The following SLC20A1 variants were observed in gnomAD, a reference collection of about 807,000 sequenced individuals.
SLC20A1 encodes the protein sodium-dependent phosphate transporter 1.
SLC20A1 carries 28 observed loss-of-function variants against 62.7 expected under a neutral mutation model. The ratio of observed to expected loss-of-function variants is 0.45; its 90% CI spans 0.33 to 0.61. The LOEUF (loss-of-function observed/expected upper bound fraction) is 0.61, where lower values mean the gene tolerates loss of function less well. Ranked by LOEUF, SLC20A1 falls within the 20% of genes least tolerant of loss-of-function variation. The pLI, the probability that SLC20A1 is intolerant of heterozygous loss-of-function variation, is 0.02. For synonymous variants in SLC20A1, 305 were observed against 302.9 expected (o/e 1.01, Z -0.07); for missense variants, 673 against 838.6 (o/e 0.80, Z 2.44).
At chr2:112,650,367 CTG>C (rs1157568860) in intron 4 of SLC20A1, among the ~76,000 whole-genome samples, 1 of 145,872 alleles carries the variant, frequency 6.9e-6, no homozygotes, top group African/African-American at 2.5e-5. Flanking sequence ...GAGTCTCACT[CTG>C]TTGCCCAGGC....
chr2:112,660,181 G>A (rs1210145643), intron 8 of SLC20A1, among the ~76,000 whole-genome samples: 4 of 152,196 alleles, frequency 2.6e-5, no homozygotes, highest in African/African-American at 9.6e-5. Flanking sequence ...GCCACCATTT[G>A]CCTGGCATTC....
chr2:112,647,609 G>A, intron 3 of SLC20A1, 44 bp from the exon 4 acceptor site: 1 of 1,597,158 alleles, frequency 6.3e-7, no homozygotes, highest in South Asian at 1.1e-5. Context: ...TTTGGTTTCT[G>A]ATTTTCATTA....
At chr2:112,650,334 CTTTT>C (rs398042584) in intron 4 of SLC20A1, among the ~76,000 whole-genome samples, 1 of 134,908 alleles carries the variant, frequency 7.4e-6, no homozygotes, top group Non-Finnish European at 1.6e-5. Context: ...TTTTTGGAGC[CTTTT>C]TTTTTTTTTT....
In SLC20A1 at chr2:112,661,013, A is replaced by G. The variant is rs116500060; in HGVS notation, c.1794-129A>G. The stretch of plus-strand genomic sequence containing the variant: ...TAAAGTAGATCTTAGGGGTTATAGC[A>G]AATAAAGATGTCAGTGGAGGTTTTG... On this transcript the variant is annotated intron_variant, in intron 9 of 10. Transcript: ENST00000272542. The G allele has an allele frequency of 2.6e-3, 1,655 of 627,828 alleles. 20 individuals are homozygous for G. The highest frequency in any genetic ancestry group is 0.022 in the African/African-American group (1,233 of 55,954). 38.9% of individuals were successfully genotyped at this position (627,828 alleles called of 1,614,324 possible). A position where few individuals can be genotyped will look rare whatever the true frequency, so the allele number is the denominator to read the frequency against.
chr2:112,650,154 C>T (rs573131765), intron 4 of SLC20A1, among the ~76,000 whole-genome samples: 44 of 152,236 alleles, frequency 2.9e-4, no homozygotes, highest in Admixed American at 7.2e-4. Flanking sequence ...CTTAATTGGG[C>T]TATGCTATAC....
intron 4 of SLC20A1, among the ~76,000 whole-genome samples, chr2:112,649,895 A>G (rs17042208): frequency 0.027 from 4,038 of 152,334 alleles, 166 homozygotes; most frequent in African/African-American, 0.092. Flanking sequence ...CCTGTCCCAC[A>G]TGACTAGACG....
At position 112,647,663 on chromosome 2, in the gene SLC20A1, G is replaced by T. The variant is rs1480836557; in HGVS notation, c.486G>T (p.Trp162Cys). ...WSELIKIVMS[W>C]FVSPLLSGIM... ...TGTGTTCTATTCCAGTGATGTCTTG[G>T]TTCGTGTCCCCACTGCTTTCTGGAA... The change falls in exon 4 of 11, where the codon TGG (tryptophan) becomes TGT (cysteine). Residue 162 changes from tryptophan to cysteine, a missense_variant. Trp to Cys is a radical substitution (Grantham distance 215). Coordinates refer to ENST00000272542, the MANE Select transcript of SLC20A1 (RefSeq NM_005415.5). The T allele has an allele frequency of 6.2e-7, 1 of 1,613,462 alleles. No individual in the cohort carries two copies. The highest frequency in any genetic ancestry group is 2.2e-5 in the East Asian group (1 of 44,876).
At position 112,658,064 on chromosome 2, in the gene SLC20A1, C is replaced by G. The variant is rs548911241; in HGVS notation, c.779-761C>G. 2.2e-3 allele frequency among the ~76,000 whole-genome samples: 329 copies of G among 152,362 alleles called. 1 individual carries two copies. The highest frequency in any genetic ancestry group is 3.8e-3 in the Non-Finnish European group (261 of 68,036). On this transcript the variant is annotated intron_variant, in intron 6 of 10. Coordinates refer to ENST00000272542, the MANE Select transcript of SLC20A1 (RefSeq NM_005415.5). Reference sequence around the variant, plus strand: ...TCACCGCAGCTGAACCGAAGAGCCTCCGAGAGGTTCTGTGCTAGTCTGGCT... The same window carrying G: ...TCACCGCAGCTGAACCGAAGAGCCTGCGAGAGGTTCTGTGCTAGTCTGGCT...
intron 4 of SLC20A1, among the ~76,000 whole-genome samples, chr2:112,650,123 A>T (rs542833026): frequency 1.3e-5 from 2 of 152,172 alleles, no homozygotes; most frequent in Non-Finnish European, 2.9e-5. Flanking sequence ...AATACCTCAG[A>T]TTTGTTTACC....
chr2:112,660,809 T>C (rs1686728458), intron 9 of SLC20A1: 3 of 521,266 alleles, frequency 5.8e-6, no homozygotes, highest in African/African-American at 3.9e-5. Flanking sequence ...GAAAGCTGTG[T>C]ATGCTAAGAG....
chr2:112,647,498 G>A lies in SLC20A1; in HGVS notation c.475+34G>A, dbSNP rs111636436. ...AATTCCAAACGGCTTCTTAATTTTC[G>A]TTTTCGTCATATGTTACCATGGCAT... On this transcript the variant is annotated intron_variant, in intron 3 of 10. Coordinates refer to ENST00000272542, the MANE Select transcript of SLC20A1 (RefSeq NM_005415.5). 3.1e-5 allele frequency: 49 copies of A among 1,604,706 alleles called. No homozygotes were observed. The African/African-American group carries it at 4.3e-4, about 14-fold the overall frequency.
In SLC20A1 at chr2:112,659,719, A is replaced by G; in HGVS notation, c.1564A>G (p.Thr522Ala). 6.2e-7 allele frequency: 1 copy of G among 1,614,182 alleles called. No homozygotes were observed. Among genetic ancestry groups the G allele is most frequent in the Non-Finnish European group, 8.5e-7 (1 of 1,179,982 alleles). The change falls in exon 8 of 11, where the codon ACA becomes GCA. Residue 522 changes from threonine (T) to alanine (A), a missense_variant. Transcript: ENST00000272542. The part of the protein sequence containing the change: ...SLLFQFLQIL[T>A]ACFGSFAHGG... ...CCTCTTCCAGTTCCTGCAGATCCTT[A>G]CAGCCTGCTTTGGGTCATTCGCCCA...
At chr2:112,649,335 C>T (rs750811891) in intron 4 of SLC20A1, among the ~76,000 whole-genome samples, 2 of 152,168 alleles carry the variant, frequency 1.3e-5, no homozygotes, top group East Asian at 1.9e-4. Flanking sequence ...TGAGGATCTT[C>T]CCCCACTCTG....
rs1686298053 is a variant in SLC20A1, at chr2:112,646,978, A to G, written c.150A>G (p.Thr50=). ...GANDVANSFG[T]AVGSGVVTLK... ...ATGATGTAGCAAATTCTTTTGGTAC[A>G]GCTGTGGGCTCAGGTGTAGTGACCC... Residue 50 remains threonine, a synonymous_variant, in exon 2 of 11, where the codon ACA becomes ACG. Coordinates refer to ENST00000272542, the MANE Select transcript of SLC20A1 (RefSeq NM_005415.5). 9 of 1,614,184 alleles carry G rather than the reference A, an allele frequency of 5.6e-6. No homozygotes were observed. The highest frequency in any genetic ancestry group is 7.6e-6 in the Non-Finnish European group (9 of 1,180,030).
chr2:112,659,377 G>A lies in SLC20A1; in HGVS notation c.1222G>A (p.Gly408Ser), dbSNP rs140855509. 6 of 1,614,118 alleles carry A rather than the reference G, an allele frequency of 3.7e-6. No homozygotes were observed. The highest frequency in any genetic ancestry group is 1.7e-5 in the Admixed American group (1 of 60,008). ...GGTGGGAGATTGCATGGGAGACTCC[G>A]GTGACAAACCCTTAAGGCGCAATAA... Reference protein sequence around the residue: ...AKVGDCMGDSGDKPLRRNNSY... With the variant: ...AKVGDCMGDSSDKPLRRNNSY... Residue 408 changes from glycine (G) to serine (S), a missense_variant, in exon 8 of 11, where the codon GGT becomes AGT. Physicochemically the swap from Gly to Ser is moderately conservative, Grantham distance 56. Coordinates refer to ENST00000272542, the MANE Select transcript of SLC20A1 (RefSeq NM_005415.5).
intron 5 of SLC20A1, among the ~76,000 whole-genome samples, chr2:112,654,280 T>A (rs1686525367): frequency 6.6e-6 from 1 of 152,226 alleles, no homozygotes; most frequent in African/African-American, 2.4e-5. Context: ...GAAGTTTGTA[T>A]GCCAGATTTC....
At position 112,663,461 on chromosome 2, in the gene SLC20A1, A is replaced by C. The variant is rs1288050483; in HGVS notation, c.*436A>C. 6.3e-6 allele frequency: 2 copies of C among 317,402 alleles called. No homozygotes were observed. The highest frequency in any genetic ancestry group is 1.2e-5 in the Non-Finnish European group (2 of 165,668). The allele number at this position is 317,402 out of a possible 1,614,324, so 19.7% of individuals were successfully genotyped here. A position where few individuals can be genotyped will look rare whatever the true frequency, so the allele number is the denominator to read the frequency against. On this transcript the variant is annotated 3_prime_UTR_variant, in exon 11 of 11. Transcript: ENST00000272542. ...CACATGCACAGGGATTTAACAACAA[A>C]AATATAACTACAACTTCCCTTGTAG... is the stretch of plus-strand genomic sequence containing the variant.
At chr2:112,656,678 T>A (rs1044018928) in intron 5 of SLC20A1, among the ~76,000 whole-genome samples, 1 of 152,204 alleles carries the variant, frequency 6.6e-6, no homozygotes, top group Non-Finnish European at 1.5e-5. Flanking sequence ...GCATGACAAA[T>A]GTGACTACTG....
At chr2:112,661,829 G>C (rs1368287006) in intron 10 of SLC20A1, among the ~76,000 whole-genome samples, 1 of 152,224 alleles carries the variant, frequency 6.6e-6, no homozygotes, top group East Asian at 1.9e-4. Context: ...GATTACATGC[G>C]TGAGCCACCG....
Sources: gnomAD v4.1 joint callset for allele counts (sites outside exome capture counted in the v4.1 genomes callset) on GRCh38, gnomAD v4.1.1 for gene constraint, MANE v1.5 for transcripts, NCBI Gene and HGNC (gene_info 2026-07-23, HGNC 2026-07-21) for gene names.